The following MAGI1 variants were observed in gnomAD, a reference collection of about 807,000 sequenced individuals.
MAGI1 encodes membrane-associated guanylate kinase, WW and PDZ domain-containing protein 1.
A neutral mutation model predicts 139.9 loss-of-function variants in MAGI1; 58 were observed. The ratio of observed to expected loss-of-function variants is 0.41; its 90% CI spans 0.34 to 0.52. The LOEUF (loss-of-function observed/expected upper bound fraction) is 0.52, where lower values mean the gene tolerates loss of function less well. Ranked by LOEUF, MAGI1 falls within the 20% of genes least tolerant of loss-of-function variation. The pLI is 0.12. For missense variants in MAGI1, 1,874 were observed against 1,901.6 expected (o/e 0.99, Z 0.27); for synonymous variants, 812 against 737.9 (o/e 1.10, Z -1.63).
intron 1 of MAGI1, among the ~76,000 whole-genome samples, chr3:65,672,548 A>T (rs892087040): frequency 2.0e-5 from 3 of 152,322 alleles, no homozygotes; most frequent in East Asian, 3.9e-4. Flanking sequence ...TTGTTAAAGT[A>T]AAAATAGGAA....
At chr3:65,796,523 G>T (rs186482118) in intron 1 of MAGI1, among the ~76,000 whole-genome samples, 1 of 152,108 alleles carries the variant, frequency 6.6e-6, no homozygotes, top group East Asian at 1.9e-4. Flanking sequence ...GAGGGGAAAC[G>T]GACACACTGG....
At chr3:65,763,623 C>T (rs2037218034) in intron 1 of MAGI1, among the ~76,000 whole-genome samples, 1 of 151,920 alleles carries the variant, frequency 6.6e-6, no homozygotes, top group African/African-American at 2.4e-5. Context: ...AGCACAAGGG[C>T]TGGATTCCAA....
At chr3:65,828,547 T>C (rs1198825167) in intron 1 of MAGI1, among the ~76,000 whole-genome samples, 1 of 152,210 alleles carries the variant, frequency 6.6e-6, no homozygotes, top group Non-Finnish European at 1.5e-5. Context: ...TTAATGATAA[T>C]GCTGTACTTT....
chr3:65,659,428 C>T (rs1202877722), intron 1 of MAGI1, among the ~76,000 whole-genome samples: 1 of 152,214 alleles, frequency 6.6e-6, no homozygotes, highest in African/African-American at 2.4e-5. Context: ...TAGGTTTCAC[C>T]TAGAACCTCA....
intron 1 of MAGI1, among the ~76,000 whole-genome samples, chr3:65,834,818 T>C (rs1357605004): frequency 6.6e-6 from 1 of 152,258 alleles, no homozygotes; most frequent in East Asian, 1.9e-4. Flanking sequence ...ACCCTTTTAT[T>C]TATCATTATA....
chr3:65,364,735 T>G lies in MAGI1; in HGVS notation c.3291-10A>C. On this transcript the variant is annotated splice_polypyrimidine_tract_variant and intron_variant, in intron 19 of 22. Transcript: ENST00000402939. ...TGGTTTGGTGGTATTCCTGCCAAAG[T>G]GAAAGAAATAAATATAAGAGCAACC... is the stretch of plus-strand genomic sequence containing the variant. The G allele has an allele frequency of 6.2e-7, 1 of 1,613,646 alleles. No individual in the cohort carries two copies. Among genetic ancestry groups the G allele is most frequent in the Non-Finnish European group, 8.5e-7 (1 of 1,179,686 alleles).
intron 2 of MAGI1, among the ~76,000 whole-genome samples, chr3:65,569,120 A>C (rs1374326013): frequency 1.3e-5 from 2 of 152,238 alleles, no homozygotes; most frequent in Non-Finnish European, 2.9e-5. Context: ...TGAAGTTGTG[A>C]CACATGCTAC....
intron 2 of MAGI1, among the ~76,000 whole-genome samples, chr3:65,584,784 T>C (rs576322358): frequency 6.6e-5 from 10 of 152,370 alleles, no homozygotes; most frequent in Non-Finnish European, 1.0e-4. Flanking sequence ...TTTGTGATAT[T>C]CTTGCCAAGT....
At chr3:65,940,846 C>T (rs1258370210) in intron 1 of MAGI1, among the ~76,000 whole-genome samples, 1 of 152,084 alleles carries the variant, frequency 6.6e-6, no homozygotes, top group African/African-American at 2.4e-5. Context: ...AGTGGAAGAT[C>T]TCTCAACTCC....
chr3:65,406,387 C>A (rs1945339896), intron 12 of MAGI1, among the ~76,000 whole-genome samples: 1 of 152,096 alleles, frequency 6.6e-6, no homozygotes, highest in Non-Finnish European at 1.5e-5. Flanking sequence ...GCCAACCAAC[C>A]TCACTAACTG....
chr3:65,461,234 G>A (rs893876007), intron 5 of MAGI1, among the ~76,000 whole-genome samples: 3 of 151,680 alleles, frequency 2.0e-5, no homozygotes, highest in Non-Finnish European at 4.4e-5. Context: ...TTTATTTTTT[G>A]CGATGGAGTC....
chr3:65,956,224 G>C (rs2064120032), intron 1 of MAGI1, among the ~76,000 whole-genome samples: 1 of 152,188 alleles, frequency 6.6e-6, no homozygotes, highest in Non-Finnish European at 1.5e-5. Flanking sequence ...CTCACTGTTT[G>C]ATAATAACTA....
At chr3:65,786,904 C>T (rs979379266) in intron 1 of MAGI1, among the ~76,000 whole-genome samples, 4 of 152,124 alleles carry the variant, frequency 2.6e-5, no homozygotes, top group African/African-American at 7.2e-5. Flanking sequence ...TGTGAGCCAC[C>T]GCGCAAGACC....
intron 2 of MAGI1, among the ~76,000 whole-genome samples, chr3:65,612,180 T>C (rs529339809): frequency 6.6e-6 from 1 of 152,208 alleles, no homozygotes; most frequent in South Asian, 2.1e-4. Flanking sequence ...ACTATAATTG[T>C]TTGATTATTT....
chr3:65,719,995 G>C (rs1207446528), intron 1 of MAGI1: 2 of 152,154 alleles, frequency 1.3e-5, no homozygotes, highest in Non-Finnish European at 2.9e-5. Context: ...ACAGGTAGCG[G>C]AGTAGTGCTA....
At chr3:65,781,514 T>A (rs1478486036) in intron 1 of MAGI1, among the ~76,000 whole-genome samples, 3 of 152,234 alleles carry the variant, frequency 2.0e-5, no homozygotes, top group Non-Finnish European at 2.9e-5. Flanking sequence ...CTGCATGGAA[T>A]AGGTTTTTTA....
intron 1 of MAGI1, among the ~76,000 whole-genome samples, chr3:65,627,800 C>A (rs1309346811): frequency 6.6e-6 from 1 of 151,860 alleles, no homozygotes; most frequent in Non-Finnish European, 1.5e-5. Flanking sequence ...GCCACTGAGC[C>A]CAGCTATATT....
At position 65,740,488 on chromosome 3, in the gene MAGI1, C is replaced by T. The variant is rs147287102; in HGVS notation, c.314-118400G>A. On this transcript the variant is annotated intron_variant, in intron 1 of 22. Transcript: ENST00000402939. ...AATCTGAACCCTTTGTTTCTAACAG[C>T]CATGCCTACTTGCCTCTTCCAGGGA... Among the ~76,000 whole-genome samples the T allele has an allele frequency of 3.9e-4, 59 of 152,288 alleles. No homozygotes were observed. The East Asian group carries it at 0.011, about 27-fold the overall frequency.
In MAGI1 at chr3:65,765,362, G is replaced by T. The variant is rs192714617; in HGVS notation, c.314-143274C>A. Among the ~76,000 whole-genome samples, 5 of 152,294 alleles carry T rather than the reference G, an allele frequency of 3.3e-5. 1 individual carries two copies. Among genetic ancestry groups the T allele is most frequent in the Admixed American group, 3.3e-4 (5 of 15,290 alleles). On this transcript the variant is annotated intron_variant, in intron 1 of 22. Transcript: ENST00000402939. ...TATTTGAGGTAAGGCCAAGCATTTGGTTGTGGCACTGGCGGGACAACTATA... is the reference window on the plus strand; with the variant it reads ...TATTTGAGGTAAGGCCAAGCATTTGTTTGTGGCACTGGCGGGACAACTATA...
Sources: allele counts gnomAD v4.1 joint callset (sites outside exome capture counted in the v4.1 genomes callset), GRCh38; gene constraint gnomAD v4.1.1; transcripts MANE v1.5; gene names NCBI Gene and HGNC (gene_info 2026-07-23, HGNC 2026-07-21).